Variants in RBBP6 observed in about 807,000 individuals in gnomAD.
RBBP6 encodes the protein RB binding protein 6, ubiquitin ligase, also known as E3 ubiquitin-protein ligase RBBP6.
Under a neutral mutation model 167.7 loss-of-function variants are expected in RBBP6, and 25 were observed. The observed-to-expected ratio is 0.15, with a 90% CI of 0.11 to 0.21. The LOEUF is 0.21. Ranked by LOEUF, RBBP6 falls within the 10% of genes least tolerant of loss-of-function variation. The probability of loss-of-function intolerance (pLI) is 1.00; values close to 1 mark genes in which losing one functional copy is unlikely to be tolerated. For missense variants in RBBP6, 1,868 were observed against 2,134.2 expected (o/e 0.88, Z 2.46); for synonymous variants, 789 against 735.8 (o/e 1.07, Z -1.17).
chr16:24,555,108 GTTTAA>G (rs1036133253), intron 4 of RBBP6: 5 of 152,622 alleles, frequency 3.3e-5, no homozygotes, highest in Admixed American at 2.0e-4. Flanking sequence ...TATCTGAAGA[GTTTAA>G]TTTAAAATTA....
chr16:24,557,739 A>T (rs1799869948), intron 7 of RBBP6, among the ~76,000 whole-genome samples: 1 of 152,132 alleles, frequency 6.6e-6, no homozygotes, highest in South Asian at 2.1e-4. Context: ...GTGAAAAAAT[A>T]CATACATATA....
Position 24,568,838 on chromosome 16 carries a change from T to A in RBBP6, c.2148T>A (p.Ser716=), listed in dbSNP as rs910129589. The change falls in exon 17 of 18, where the codon TCT becomes TCA. Residue 716 remains serine, a synonymous_variant. Coordinates refer to ENST00000319715, the MANE Select transcript of RBBP6 (RefSeq NM_006910.5). Reference sequence around the variant, plus strand: ...GTTCAACACGTTCACGCTCTTATTCTCGATCATTCAGCCGCTCACATTCTC... The same window carrying A: ...GTTCAACACGTTCACGCTCTTATTCACGATCATTCAGCCGCTCACATTCTC... ...RSGSTRSRSY[S]RSFSRSHSRS... The A allele has an allele frequency of 6.2e-6, 10 of 1,614,266 alleles. No individual in the cohort carries two copies. The highest frequency in any genetic ancestry group is 8.5e-6 in the Non-Finnish European group (10 of 1,180,044).
rs551624612 is a variant in RBBP6, at chr16:24,548,747, A to G, written c.267-198A>G. Among the ~76,000 whole-genome samples, 5 of 152,276 alleles carry G rather than the reference A, an allele frequency of 3.3e-5. No individual in the cohort carries two copies. The South Asian group carries it at 1.0e-3, about 32-fold the overall frequency. ...GTATGGAATTTTTTTCCAAACCACA[A>G]ATCTATCTTAAAACTGCTCAAAGGT... On this transcript the variant is annotated intron_variant, in intron 2 of 17. Transcript: ENST00000319715.
chr16:24,568,978 A>C lies in RBBP6; in HGVS notation c.2288A>C (p.Tyr763Ser), dbSNP rs749243471. ...YHRSRSRSPP[Y>S]RRYHSRSRSP... ...CGATCTAGGTCAAGGTCACCCCCTT[A>C]CAGACGCTATCATTCACGATCAAGA... The change falls in exon 17 of 18, where the codon TAC becomes TCC. Residue 763 changes from tyrosine to serine, a missense_variant. Physicochemically the swap from Tyr to Ser is moderately radical, Grantham distance 144. This residue lies in a region of RBBP6 where 673 missense variants were observed against 691.5 expected (regional missense o/e 0.97). Transcript: ENST00000319715. 1 of 1,614,138 alleles carries C rather than the reference A, an allele frequency of 6.2e-7. No homozygotes were observed. The highest frequency in any genetic ancestry group is 1.1e-5 in the South Asian group (1 of 91,090).
intron 1 of RBBP6, among the ~76,000 whole-genome samples, chr16:24,543,956 T>TC (rs1309078257): frequency 7.9e-5 from 12 of 152,268 alleles, no homozygotes; most frequent in African/African-American, 2.9e-4. Flanking sequence ...AACAGACTAC[T>TC]TGTTAAGGAG....
chr16:24,564,581 A>G (rs1453464538), intron 13 of RBBP6, among the ~76,000 whole-genome samples: 2 of 152,238 alleles, frequency 1.3e-5, no homozygotes, highest in African/African-American at 4.8e-5. Context: ...TTTGAGGTCT[A>G]GTTATTGTTA....
In RBBP6 at chr16:24,568,976, T is replaced by G. The variant is rs747621641; in HGVS notation, c.2286T>G (p.Pro762=). ...GYHRSRSRSP[P]YRRYHSRSRS... Reference sequence around the variant, plus strand: ...ATCGATCTAGGTCAAGGTCACCCCCTTACAGACGCTATCATTCACGATCAA... The same window carrying G: ...ATCGATCTAGGTCAAGGTCACCCCCGTACAGACGCTATCATTCACGATCAA... Residue 762 remains proline, a synonymous_variant, in exon 17 of 18, where the codon CCT becomes CCG. Transcript: ENST00000319715. 4.3e-6 allele frequency: 7 copies of G among 1,614,024 alleles called. No individual in the cohort carries two copies. Among genetic ancestry groups the G allele is most frequent in the Non-Finnish European group, 5.9e-6 (7 of 1,179,974 alleles).
rs529600710 is a variant in RBBP6, at chr16:24,571,724, G to A, written c.4658G>A (p.Arg1553Gln). 1.7e-5 allele frequency: 27 copies of A among 1,614,038 alleles called. No homozygotes were observed. The East Asian group carries it at 4.5e-4, about 27-fold the overall frequency. The change falls in exon 18 of 18, where the codon CGG (arginine) becomes CAG (glutamine). Residue 1553 changes from arginine (R) to glutamine (Q), a missense_variant. By Grantham distance (43) the Arg-to-Gln change is conservative (BLOSUM62 1). Transcript: ENST00000319715. The part of the protein sequence containing the change: ...HDHKATYDTK[R>Q]PNEETKSVDK... ...CACAAAGCCACTTATGATACTAAAC[G>A]GCCAAATGAAGAGACAAAATCTGTA...
Position 24,561,869 on chromosome 16 carries a change from C to T in RBBP6, c.997C>T (p.Arg333Ter). ...KNETGYTKRL[R>*]KQLPPPPPPI... is the part of the protein sequence containing the mutation. The stretch of plus-strand genomic sequence containing the variant: ...TGAAACTGGCTATACAAAAAGACTA[C>T]GAAAACAGTTACCTCCTCCACCACC... Residue 333 changes from arginine (R) to a stop codon, truncating the protein, a stop_gained, in exon 10 of 18, where the codon CGA (arginine) becomes TGA (stop). Coordinates refer to ENST00000319715, the MANE Select transcript of RBBP6 (RefSeq NM_006910.5). LOFTEE classifies it high-confidence loss of function. The T allele has an allele frequency of 1.2e-6, 2 of 1,613,468 alleles. No individual in the cohort carries two copies. Among genetic ancestry groups the T allele is most frequent in the Non-Finnish European group, 1.7e-6 (2 of 1,179,704 alleles).
At chr16:24,555,194 A>G (rs999597684) in intron 4 of RBBP6, 3 of 153,558 alleles carry the variant, frequency 2.0e-5, no homozygotes, top group Non-Finnish European at 2.9e-5. Flanking sequence ...TTCTACTTCT[A>G]ATATCTGCTG....
At chr16:24,540,930 T>C in intron 1 of RBBP6, 138 bp downstream of exon 1, 1 of 1,081,110 alleles carries the variant, frequency 9.2e-7, no homozygotes, top group East Asian at 2.6e-5. Flanking sequence ...CTTTCATTGA[T>C]AGCCAAGGTT....
chr16:24,562,040 A>C lies in RBBP6; in HGVS notation c.1168A>C (p.Asn390His). ...PAPSISSLTS[N>H]QSSLAPPVSG... ...TCCGTCTATATCTTCATTAACTTCT[A>C]ATCAGTCTTCCTTGGCCCCTCCTGT... The change falls in exon 10 of 18, where the codon AAT becomes CAT. Residue 390 changes from asparagine (N) to histidine (H), a missense_variant. Physicochemically the swap from Asn to His is moderately conservative, Grantham distance 68 (BLOSUM62 1). This residue lies in a region of RBBP6 where 245 missense variants were observed against 240.1 expected (regional missense o/e 1.02). Transcript: ENST00000319715. 2 of 1,612,750 alleles carry C rather than the reference A, an allele frequency of 1.2e-6. No homozygotes were observed. Among genetic ancestry groups the C allele is most frequent in the Non-Finnish European group, 1.7e-6 (2 of 1,178,788 alleles).
intron 14 of RBBP6, among the ~76,000 whole-genome samples, chr16:24,565,649 C>T (rs11642048): frequency 6.7e-6 from 1 of 150,350 alleles, no homozygotes; most frequent in Non-Finnish European, 1.5e-5. Context: ...ACAGTTTTTA[C>T]CCCCCTGCCC....
At position 24,569,015 on chromosome 16, in the gene RBBP6, G is replaced by C. The variant is rs144178646; in HGVS notation, c.2325G>C (p.Ala775=). 1.9e-6 allele frequency: 3 copies of C among 1,614,002 alleles called. No individual in the cohort carries two copies. The highest frequency in any genetic ancestry group is 2.5e-6 in the Non-Finnish European group (3 of 1,180,026). Residue 775 remains alanine (A), a synonymous_variant, in exon 17 of 18, where the codon GCG becomes GCC. Transcript: ENST00000319715. ...ATTCACGATCAAGATCTCCTCAAGC[G>C]TTTAGGGGACAGTCTCCTAATAAAC... The part of the protein sequence containing the change: ...RYHSRSRSPQ[A]FRGQSPNKRN...
chr16:24,570,855 A>G lies in RBBP6; in HGVS notation c.3810-21A>G, dbSNP rs1033022366. On this transcript the variant is annotated intron_variant, in intron 17 of 17. Transcript: ENST00000319715. ...ATAGTAAATTCTTCATTAATTAAAAATATTTTGTTATTCTTTTTAGTACGA... is the reference window on the plus strand; with the variant it reads ...ATAGTAAATTCTTCATTAATTAAAAGTATTTTGTTATTCTTTTTAGTACGA... 8 of 1,407,268 alleles carry G rather than the reference A, an allele frequency of 5.7e-6. No homozygotes were observed. In the African/African-American group the frequency reaches 8.8e-5, roughly 15 times the overall value. The allele number at this position is 1,407,268 out of a possible 1,614,324, so 87.2% of individuals were successfully genotyped here. A position where few individuals can be genotyped will look rare whatever the true frequency, so the allele number is the denominator to read the frequency against.
In RBBP6 at chr16:24,570,173, GTCT is replaced by G. The variant is rs1487529053; in HGVS notation, c.3489_3491del (p.Ser1164del). ...AAAAAGGCGTAGATAAAGATTTTGA[GTCT>G]TCTTCAATGAAAATCTCGAAACTAG... On this transcript the variant is annotated inframe_deletion, in exon 17 of 18. Transcript: ENST00000319715. 6 of 1,598,646 alleles carry G rather than the reference GTCT, an allele frequency of 3.8e-6. No individual in the cohort carries two copies. Among genetic ancestry groups the G allele is most frequent in the African/African-American group, 1.4e-5 (1 of 73,610 alleles).
chr16:24,549,474 A>C (rs1567272185), intron 3 of RBBP6: 1 of 711,070 alleles, frequency 1.4e-6, no homozygotes, highest in African/African-American at 1.9e-5. Context: ...TATGGCTTCC[A>C]AAAACGCATT....
At position 24,540,599 on chromosome 16, in the gene RBBP6, C is replaced by A. The variant is rs763765606; in HGVS notation, c.-28C>A. The stretch of plus-strand genomic sequence containing the variant: ...TATATTGAGAGTGTCCACGTCTCCT[C>A]GCTGAACCTTAGGAATCCCTTGGCA... On this transcript the variant is annotated 5_prime_UTR_variant, in exon 1 of 18. Transcript: ENST00000319715. 1 of 1,596,238 alleles carries A rather than the reference C, an allele frequency of 6.3e-7. No homozygotes were observed. Among genetic ancestry groups the A allele is most frequent in the South Asian group, 1.1e-5 (1 of 89,768 alleles).
chr16:24,565,123 A>G (rs958699147), intron 14 of RBBP6, among the ~76,000 whole-genome samples: 1 of 152,190 alleles, frequency 6.6e-6, no homozygotes, highest in African/African-American at 2.4e-5. Context: ...AGCAAACAGC[A>G]GAGTATTGGC....
Sources: gnomAD v4.1 joint callset for allele counts (sites outside exome capture counted in the v4.1 genomes callset) on GRCh38, gnomAD v4.1.1 for gene constraint, gnomAD v4.1.1 regional missense constraint, MANE v1.5 for transcripts, NCBI Gene and HGNC (gene_info 2026-07-23, HGNC 2026-07-21) for gene names.